Variants in AKT3 observed in about 807,000 individuals in gnomAD.
AKT3 encodes the protein RAC-gamma serine/threonine-protein kinase.
A neutral mutation model predicts 65.3 loss-of-function variants in AKT3; 15 were observed. The ratio of observed to expected loss-of-function variants is 0.23; its 90% confidence interval spans 0.15 to 0.35. The LOEUF (loss-of-function observed/expected upper bound fraction) is 0.35. AKT3 is among the 10% of genes least tolerant of loss of function. The pLI, the probability that AKT3 is intolerant of heterozygous loss-of-function variation, is 1.00. For synonymous variants in AKT3, 206 were observed against 183.8 expected (o/e 1.12, Z -0.98); for missense variants, 243 against 576.5 (o/e 0.42, Z 5.92).
intron 2 of AKT3, among the ~76,000 whole-genome samples, chr1:243,804,248 C>A (rs1397015540): frequency 1.3e-5 from 2 of 152,138 alleles, no homozygotes; most frequent in African/African-American, 4.8e-5. Flanking sequence ...CACTACACTG[C>A]AAAATTTGAA....
chr1:243,715,663 CTCTT>C (rs1558747894), intron 2 of AKT3, among the ~76,000 whole-genome samples: 1 of 151,990 alleles, frequency 6.6e-6, no homozygotes, highest in Non-Finnish European at 1.5e-5. Context: ...TACATAATAA[CTCTT>C]CTTGTTAAAT....
chr1:243,814,112 A>T (rs1693364658), intron 2 of AKT3, among the ~76,000 whole-genome samples: 1 of 152,202 alleles, frequency 6.6e-6, no homozygotes, highest in African/African-American at 2.4e-5. Context: ...TTTTAAATAT[A>T]TGTAAAGCAA....
At chr1:243,618,994 ATTTCTAC>A (rs375559199) in intron 6 of AKT3, among the ~76,000 whole-genome samples, 18 of 152,246 alleles carry the variant, frequency 1.2e-4, no homozygotes, top group African/African-American at 4.1e-4. Flanking sequence ...AGTAAAGGTC[ATTTCTAC>A]TTCACAAAAC....
chr1:243,843,442 T>G (rs1039832050), intron 1 of AKT3, 160 bp from the exon 2 acceptor site: 1 of 1,084,094 alleles, frequency 9.2e-7, no homozygotes, highest in Non-Finnish European at 1.2e-6. Flanking sequence ...AGTTCTATAA[T>G]GAAAGCACTT....
intron 8 of AKT3, among the ~76,000 whole-genome samples, chr1:243,608,410 A>G (rs1677594842): frequency 6.6e-6 from 1 of 152,232 alleles, no homozygotes; most frequent in African/African-American, 2.4e-5. Context: ...TCAGTGAACA[A>G]TAAGCATAAA....
chr1:243,595,650 C>T (rs1009780996), intron 8 of AKT3, among the ~76,000 whole-genome samples: 1 of 152,004 alleles, frequency 6.6e-6, no homozygotes, highest in Non-Finnish European at 1.5e-5. Context: ...GAAAACACAG[C>T]ATATACGTTA....
intron 2 of AKT3, among the ~76,000 whole-genome samples, chr1:243,781,512 G>A (rs1690915291): frequency 6.6e-6 from 1 of 151,902 alleles, no homozygotes; most frequent in Non-Finnish European, 1.5e-5. Flanking sequence ...ATGATTTATA[G>A]AAACACATTG....
intron 6 of AKT3, among the ~76,000 whole-genome samples, chr1:243,632,015 T>C (rs1031018495): frequency 3.9e-5 from 6 of 152,220 alleles, no homozygotes; most frequent in Admixed American, 2.6e-4. Flanking sequence ...TCCATGAAGA[T>C]TGGAATCAAC....
At chr1:243,782,581 C>G (rs1345163890) in intron 2 of AKT3, among the ~76,000 whole-genome samples, 1 of 152,108 alleles carries the variant, frequency 6.6e-6, no homozygotes, top group African/African-American at 2.4e-5. Context: ...TAGGTTTCGA[C>G]ATAGGAATTT....
chr1:243,656,124 T>C (rs1681772646), intron 4 of AKT3, among the ~76,000 whole-genome samples: 2 of 150,506 alleles, frequency 1.3e-5, no homozygotes, highest in South Asian at 2.1e-4. Context: ...GGGGGGGTAA[T>C]TCCTGCAAAA....
chr1:243,563,660 G>C, intron 10 of AKT3, 60 bp downstream of exon 10: 6 of 1,529,488 alleles, frequency 3.9e-6, no homozygotes, highest in Non-Finnish European at 5.3e-6. Context: ...ATGCTTAAAT[G>C]GTTTACTTTG....
intron 12 of AKT3, among the ~76,000 whole-genome samples, chr1:243,532,007 C>CGT (rs912329234): frequency 6.6e-6 from 1 of 152,118 alleles, no homozygotes; most frequent in East Asian, 1.9e-4. Context: ...AAGTGTGGCA[C>CGT]GTGTGTGTGT....
intron 8 of AKT3, among the ~76,000 whole-genome samples, chr1:243,595,347 C>A (rs905231359): frequency 1.3e-5 from 2 of 152,154 alleles, no homozygotes; most frequent in Non-Finnish European, 2.9e-5. Flanking sequence ...CTGGAAGCTG[C>A]TTTGAGTGAG....
chr1:243,802,472 T>C (rs1006192244), intron 2 of AKT3, among the ~76,000 whole-genome samples: 20 of 152,158 alleles, frequency 1.3e-4, no homozygotes, highest in African/African-American at 4.8e-4. Context: ...TTATTGAACA[T>C]AAATAAGATG....
intron 12 of AKT3, among the ~76,000 whole-genome samples, chr1:243,513,398 C>T (rs1044324864): frequency 1.3e-5 from 2 of 152,104 alleles, no homozygotes; most frequent in Admixed American, 6.5e-5. Context: ...GGGATAGGAA[C>T]ATGGCAAACA....
intron 13 of AKT3, chr1:243,489,209 C>T: frequency 6.4e-7 from 1 of 1,570,126 alleles, no homozygotes; most frequent in Admixed American, 1.8e-5. Context: ...TTTTATGCAC[C>T]TCAACAGGCC....
rs561082682 is a variant in AKT3, at chr1:243,615,010, T to C, written c.627+86A>G. On this transcript the variant is annotated intron_variant, in intron 7 of 13. Coordinates refer to ENST00000673466, the MANE Select transcript of AKT3 (RefSeq NM_005465.7). ...AAAGAAAATGAGATATCTAAATGAA[T>C]AGTATTTTTCACAATTTAATTTCTA... 66 of 946,832 alleles carry C rather than the reference T, an allele frequency of 7.0e-5. No individual in the cohort carries two copies. The African/African-American group carries it at 1.0e-3, about 15-fold the overall frequency. 58.7% of individuals were successfully genotyped at this position (946,832 alleles called of 1,614,324 possible).
chr1:243,797,782 A>G (rs1228637440), intron 2 of AKT3, among the ~76,000 whole-genome samples: 1 of 151,840 alleles, frequency 6.6e-6, no homozygotes, highest in Non-Finnish European at 1.5e-5. Flanking sequence ...TTAAGCATGT[A>G]TAACTATCAG....
chr1:243,806,973 T>A (rs752185490), intron 2 of AKT3, among the ~76,000 whole-genome samples: 1 of 152,112 alleles, frequency 6.6e-6, no homozygotes, highest in Non-Finnish European at 1.5e-5. Context: ...TAAAAACTGA[T>A]TCAGGCAATA....
Sources: allele counts gnomAD v4.1 joint callset (sites outside exome capture counted in the v4.1 genomes callset), GRCh38; gene constraint gnomAD v4.1.1; transcripts MANE v1.5; gene names NCBI Gene and HGNC (gene_info 2026-07-23, HGNC 2026-07-21).